Variants in XRCC6 observed in about 807,000 individuals in gnomAD.
XRCC6 encodes the protein DNA repair protein Ku70.
XRCC6 carries 5 observed loss-of-function variants against 65.7 expected under a neutral mutation model. That is an observed-to-expected ratio of 0.08 (90% confidence interval 0.04 to 0.16). The LOEUF (loss-of-function observed/expected upper bound fraction) is 0.16, where lower values mean the gene tolerates loss of function less well. XRCC6 is among the 10% of genes least tolerant of loss of function. The pLI is 1.00. For missense variants in XRCC6, 447 were observed against 738.1 expected, an observed-to-expected ratio of 0.61 and a Z score of 4.57; for synonymous variants, 270 against 270.6, an observed-to-expected ratio of 1.00 and a Z score of 0.02.
At chr22:41,633,238 C>T (rs1389655053) in intron 3 of XRCC6, among the ~76,000 whole-genome samples, 1 of 152,176 alleles carries the variant, frequency 6.6e-6, no homozygotes, top group African/African-American at 2.4e-5. Flanking sequence ...ACACAGACTA[C>T]AGAACCTTGC....
At chr22:41,639,184 TGTGAAGAGTTA>T (rs998652436) in intron 6 of XRCC6, among the ~76,000 whole-genome samples, 3 of 152,162 alleles carry the variant, frequency 2.0e-5, no homozygotes, top group Non-Finnish European at 4.4e-5. Context: ...ATTAGGTTAC[TGTGAAGAGTTA>T]GTGAAGAGCA....
chr22:41,653,781 G>A, intron 9 of XRCC6, 91 bp downstream of exon 9: 2 of 1,458,556 alleles, frequency 1.4e-6, no homozygotes, highest in Non-Finnish European at 1.9e-6. Context: ...CTGAATCATA[G>A]TCTCTGGGAA....
chr22:41,649,323 C>T (rs59370976), intron 7 of XRCC6, among the ~76,000 whole-genome samples: 8,700 of 149,768 alleles, frequency 0.058, 571 homozygotes, highest in African/African-American at 0.16. Flanking sequence ...CATGCCACCA[C>T]GCCTGGCTAA....
At chr22:41,647,581 CAA>C (rs34674929) in intron 7 of XRCC6, among the ~76,000 whole-genome samples, 13 of 134,234 alleles carry the variant, frequency 9.7e-5, no homozygotes, top group Non-Finnish European at 7.9e-5. Flanking sequence ...AACTCCGTCT[CAA>C]AAAAAAAAAA....
chr22:41,632,146 AGAGGGAGACCG>A (rs2067761796), intron 3 of XRCC6, among the ~76,000 whole-genome samples: 1 of 151,734 alleles, frequency 6.6e-6, no homozygotes, highest in African/African-American at 2.4e-5. Flanking sequence ...GACCGTGGGG[AGAGGGAGACCG>A]TGGGGAGAGG....
chr22:41,647,074 A>C lies in XRCC6; in HGVS notation c.952A>C (p.Arg318=). The C allele has an allele frequency of 1.9e-6, 3 of 1,613,738 alleles. No individual in the cohort carries two copies. The highest frequency in any genetic ancestry group is 2.5e-6 in the Non-Finnish European group (3 of 1,179,898). The change falls in exon 7 of 13, where the codon AGG becomes CGG. Residue 318 remains arginine (R), a synonymous_variant. Transcript: ENST00000360079. The part of the protein sequence containing the change: ...GGLLLPSDTK[R]SQIYGSRQII... ...TTTGCTTCTGCCTAGCGATACCAAG[A>C]GGTCTCAGGTAGGTAGAGATGCCTT... is the stretch of plus-strand genomic sequence containing the variant.
intron 12 of XRCC6, among the ~76,000 whole-genome samples, chr22:41,662,069 T>C (rs1342595445): frequency 6.6e-6 from 1 of 152,084 alleles, no homozygotes; most frequent in Non-Finnish European, 1.5e-5. Flanking sequence ...TACCAGAGGC[T>C]GAGAAGGGTA....
intron 5 of XRCC6, among the ~76,000 whole-genome samples, chr22:41,637,095 T>C (rs1313278315): frequency 6.7e-6 from 1 of 149,082 alleles, no homozygotes; most frequent in Non-Finnish European, 1.5e-5. Context: ...TTTTTTTTTT[T>C]TTTTTTGAGA....
intron 6 of XRCC6, among the ~76,000 whole-genome samples, chr22:41,639,329 C>CTTTTTTT (rs386395480): frequency 0.1 from 6,730 of 64,400 alleles, 1,792 homozygotes; most frequent in Non-Finnish European, 0.13. Flanking sequence ...GATTCTTTTT[C>CTTTTTTT]TTTTTTTTTT....
chr22:41,630,678 G>C (rs1295916869), intron 3 of XRCC6, among the ~76,000 whole-genome samples: 1 of 151,906 alleles, frequency 6.6e-6, no homozygotes, highest in African/African-American at 2.4e-5. Flanking sequence ...CTGGGTACTT[G>C]AGATTAGGGA....
At chr22:41,644,079 G>A (rs1248901131) in intron 6 of XRCC6, among the ~76,000 whole-genome samples, 1 of 152,226 alleles carries the variant, frequency 6.6e-6, no homozygotes. Flanking sequence ...CCCGGGAGGC[G>A]GAGGTTGCAG....
At chr22:41,643,878 G>C (rs528656961) in intron 6 of XRCC6, among the ~76,000 whole-genome samples, 28 of 145,528 alleles carry the variant, frequency 1.9e-4, no homozygotes, top group Non-Finnish European at 3.3e-4. Flanking sequence ...CCAGCTACTT[G>C]GGAGGCTGAG....
intron 6 of XRCC6, among the ~76,000 whole-genome samples, chr22:41,638,110 T>G (rs1601538345): frequency 6.6e-6 from 1 of 152,192 alleles, no homozygotes; most frequent in South Asian, 2.1e-4. Context: ...TATTTCAGGA[T>G]AGCAGAAGCT....
intron 6 of XRCC6, among the ~76,000 whole-genome samples, chr22:41,646,502 C>T (rs1164643162): frequency 2.6e-5 from 4 of 151,998 alleles, no homozygotes; most frequent in African/African-American, 7.3e-5. Context: ...TTTTGAGCAC[C>T]GACCTAATGT....
At chr22:41,658,073 C>G (rs72547482) in intron 10 of XRCC6, among the ~76,000 whole-genome samples, 179 bp from the exon 11 acceptor site, 10,645 of 152,172 alleles carry the variant, frequency 0.07, 1,201 homozygotes, top group African/African-American at 0.24. Flanking sequence ...TTCCGCCTAC[C>G]TTGGCCTACC....
chr22:41,636,011 A>G, intron 3 of XRCC6, 102 bp from the exon 4 acceptor site: 1 of 1,056,678 alleles, frequency 9.5e-7, no homozygotes, highest in Non-Finnish European at 1.3e-6. Flanking sequence ...TTAGTGCCAT[A>G]TACAAATTCA....
rs371211493 is a variant in XRCC6 at position 41,653,707 on chromosome 22, T to C, written c.1291+17T>C. On this transcript the variant is annotated intron_variant, in intron 9 of 12. Transcript: ENST00000360079. ...CTCCTCCAGGTATGTGGCAGAGATATTTCCAGGGCTTCTGAACCTTGCCCA... is the reference window on the plus strand; with the variant it reads ...CTCCTCCAGGTATGTGGCAGAGATACTTCCAGGGCTTCTGAACCTTGCCCA... 14 of 1,610,866 alleles carry C rather than the reference T, an allele frequency of 8.7e-6. No individual in the cohort carries two copies. The African/African-American group carries it at 9.3e-5, about 11-fold the overall frequency.
intron 5 of XRCC6, 81 bp from the exon 6 acceptor site, chr22:41,637,527 T>C: frequency 1.1e-5 from 14 of 1,284,670 alleles, no homozygotes; most frequent in Non-Finnish European, 1.5e-5. Context: ...TTTAAAAGCA[T>C]GTTTCAGTTT....
chr22:41,630,594 A>G (rs1272288876), intron 3 of XRCC6, among the ~76,000 whole-genome samples: 1 of 151,608 alleles, frequency 6.6e-6, no homozygotes, highest in Admixed American at 6.6e-5. Context: ...GAAGGTCAGC[A>G]GATAAACAAG....
Sources: gnomAD v4.1 joint callset for allele counts (sites outside exome capture counted in the v4.1 genomes callset) on GRCh38, gnomAD v4.1.1 for gene constraint, MANE v1.5 for transcripts, NCBI Gene and HGNC (gene_info 2026-07-23, HGNC 2026-07-21) for gene names.